SLC17A6: variants seen among roughly 807,000 people sequenced by gnomAD.
The protein encoded by SLC17A6 is vesicular glutamate transporter 2.
In SLC17A6, 35 loss-of-function variants were observed where a neutral mutation model predicts 67.1. That is an observed-to-expected ratio of 0.52 (90% CI 0.40 to 0.69). The LOEUF (loss-of-function observed/expected upper bound fraction) is 0.69, where lower values mean the gene tolerates loss of function less well. Among genes scored for constraint, SLC17A6 ranks in the 30% least tolerant of loss-of-function variants. SLC17A6 has a pLI of 0.00. For missense variants in SLC17A6, 588 were observed against 723.9 expected, an observed-to-expected ratio of 0.81 and a Z score of 2.15; for synonymous variants, 285 against 252.3, an observed-to-expected ratio of 1.13 and a Z score of -1.23.
rs914294458 is a variant in SLC17A6 at position 22,375,177 on chromosome 11, C to T, written c.1174+290C>T. Reference sequence around the variant, plus strand: ...CACGAGGTCAGGAGTTCAAGACCAGCCTGGCCAATATAGTGAAACCCCATC... The same window carrying T: ...CACGAGGTCAGGAGTTCAAGACCAGTCTGGCCAATATAGTGAAACCCCATC... On this transcript the variant is annotated intron_variant, in intron 9 of 11. Transcript: ENST00000263160. Among the ~76,000 whole-genome samples the T allele has an allele frequency of 1.8e-4, 28 of 151,868 alleles. No homozygotes were observed. The East Asian group carries it at 5.3e-3, about 29-fold the overall frequency.
At chr11:22,375,476 CTTTG>C (rs2133879241) in intron 9 of SLC17A6, among the ~76,000 whole-genome samples, 1 of 151,878 alleles carries the variant, frequency 6.6e-6, no homozygotes, top group South Asian at 2.1e-4. Context: ...GGATGTTTTT[CTTTG>C]TTTGTTTTTG....
chr11:22,340,606 C>A (rs538542749), intron 1 of SLC17A6, among the ~76,000 whole-genome samples: 2 of 152,068 alleles, frequency 1.3e-5, no homozygotes, highest in Non-Finnish European at 2.9e-5. Context: ...TCGCATTTTG[C>A]GTCTTGGGAA....
At chr11:22,368,749 G>T (rs2593686) in intron 7 of SLC17A6, among the ~76,000 whole-genome samples, 37,801 of 151,740 alleles carry the variant, frequency 0.25, 5,251 homozygotes, top group African/African-American at 0.37. Context: ...ATAAGTGTAC[G>T]CATCTGGAAT....
At chr11:22,338,863 CTT>C (rs1255687307) in intron 1 of SLC17A6, among the ~76,000 whole-genome samples, 1 of 138,310 alleles carries the variant, frequency 7.2e-6, no homozygotes, top group Non-Finnish European at 1.5e-5. Context: ...TTGATTTTTG[CTT>C]TGGTGCCTGC....
chr11:22,343,901 G>A lies in SLC17A6; in HGVS notation c.458+536G>A, dbSNP rs996103622. Reference sequence around the variant, plus strand: ...GCGATGCGATTTCACCTGTTAATGAGCTGCGTAGGGGCGGGCGTTGGGGGA... The same window carrying A: ...GCGATGCGATTTCACCTGTTAATGAACTGCGTAGGGGCGGGCGTTGGGGGA... On this transcript the variant is annotated intron_variant, in intron 3 of 11. Coordinates refer to ENST00000263160, the MANE Select transcript of SLC17A6 (RefSeq NM_020346.3). 5.9e-5 allele frequency among the ~76,000 whole-genome samples: 9 copies of A among 152,114 alleles called. No homozygotes were observed. The East Asian group carries it at 7.7e-4, about 13-fold the overall frequency.
In SLC17A6 at chr11:22,341,666, C is replaced by T. The variant is rs1855817774; in HGVS notation, c.225C>T (p.Ile75=). Residue 75 remains isoleucine, a synonymous_variant, in exon 2 of 12, where the codon ATC becomes ATT. Transcript: ENST00000263160. ...TGCCCCGCCGCTACATTATCGCCAT[C>T]ATGAGCGGCCTGGGCTTCTGCATCT... ...FGLPRRYIIA[I]MSGLGFCISF... 2 of 1,614,250 alleles carry T rather than the reference C, an allele frequency of 1.2e-6. No homozygotes were observed. The highest frequency in any genetic ancestry group is 1.7e-6 in the Non-Finnish European group (2 of 1,180,042).
chr11:22,339,025 TA>T (rs1248395103), intron 1 of SLC17A6, among the ~76,000 whole-genome samples: 1 of 138,258 alleles, frequency 7.2e-6, no homozygotes, highest in Non-Finnish European at 1.6e-5. Context: ...CACAACCATC[TA>T]AAAAAATAAC....
chr11:22,364,731 T>C (rs1435981144), intron 6 of SLC17A6, among the ~76,000 whole-genome samples: 4 of 152,100 alleles, frequency 2.6e-5, no homozygotes, highest in African/African-American at 9.7e-5. Flanking sequence ...AAAAATGAAA[T>C]GGCCAACTGC....
At position 22,343,324 on chromosome 11, in the gene SLC17A6, G is replaced by C; in HGVS notation, c.417G>C (p.Gln139His). 2 of 1,612,682 alleles carry C rather than the reference G, an allele frequency of 1.2e-6. No individual in the cohort carries two copies. The highest frequency in any genetic ancestry group is 8.5e-7 in the Non-Finnish European group (1 of 1,179,668). Residue 139 changes from glutamine to histidine, a missense_variant, in exon 3 of 12, where the codon CAG becomes CAC. By Grantham distance (24) the Gln-to-His change is conservative. This residue lies in a region of SLC17A6 where 414 missense variants were observed against 563.4 expected (regional missense o/e 0.73). Transcript: ENST00000263160. ...GSFFWGYIIT[Q>H]IPGGYIASRL... ...TCTTTTGGGGCTACATCATCACTCA[G>C]ATTCCGGGAGGCTACATCGCGTCTC... is the stretch of plus-strand genomic sequence containing the variant.
chr11:22,375,594 C>T (rs1012833860), intron 9 of SLC17A6, among the ~76,000 whole-genome samples: 2 of 151,762 alleles, frequency 1.3e-5, no homozygotes, highest in African/African-American at 2.4e-5. Flanking sequence ...GATTCTCTTG[C>T]CTCAGCCTCC....
At chr11:22,377,379 C>T in intron 11 of SLC17A6, 26 bp from the exon 12 acceptor site, 1 of 1,570,220 alleles carries the variant, frequency 6.4e-7, no homozygotes, top group Non-Finnish European at 8.7e-7. Flanking sequence ...AGTCAGTTCT[C>T]ACAGTGCTGC....
At chr11:22,370,331 G>A in intron 8 of SLC17A6, 143 bp downstream of exon 8, 1 of 692,644 alleles carries the variant, frequency 1.4e-6, no homozygotes. Context: ...GGAAATAGAA[G>A]CAAAGTAAAA....
In SLC17A6 at chr11:22,379,424, T is replaced by C. The variant is rs1396452146; in HGVS notation, c.*1684T>C. ...AATGTGATCACAGCTTTTGTTGTGT[T>C]GAATGAAAATATGTGGACTGTCATT... On this transcript the variant is annotated 3_prime_UTR_variant, in exon 12 of 12. Coordinates refer to ENST00000263160, the MANE Select transcript of SLC17A6 (RefSeq NM_020346.3). 3 of 152,614 alleles carry C rather than the reference T, an allele frequency of 2.0e-5. No homozygotes were observed. The highest frequency in any genetic ancestry group is 2.0e-4 in the Admixed American group (3 of 15,268). 9.5% of individuals were successfully genotyped at this position (152,614 alleles called of 1,614,324 possible).
At position 22,370,045 on chromosome 11, in the gene SLC17A6, A is replaced by G. The variant is rs201080827; in HGVS notation, c.898A>G (p.Lys300Glu). ...ANLLGAMEKFKTPWRKFFTSM... is the reference protein window; with the variant it reads ...ANLLGAMEKFETPWRKFFTSM... ...TCTCTTTTTGGAATTTCAGAAATTC[A>G]AGACTCCATGGAGGAAGTTTTTTAC... The change falls in exon 8 of 12, where the codon AAG becomes GAG. Residue 300 changes from lysine (K) to glutamate (E), a missense_variant. Around this residue, in one of 4 missense-constraint regions of SLC17A6, gnomAD observed 414 missense variants for 563.4 expected, o/e 0.73. Coordinates refer to ENST00000263160, the MANE Select transcript of SLC17A6 (RefSeq NM_020346.3). 32 of 1,605,118 alleles carry G rather than the reference A, an allele frequency of 2.0e-5. No homozygotes were observed. In the African/African-American group the frequency reaches 3.2e-4, roughly 16 times the overall value.
intron 8 of SLC17A6, among the ~76,000 whole-genome samples, chr11:22,371,286 C>G (rs2133876499): frequency 6.6e-6 from 1 of 152,168 alleles, no homozygotes; most frequent in Non-Finnish European, 1.5e-5. Context: ...ATAAGTCCAG[C>G]TGGGCTCGCT....
At chr11:22,366,392 G>A (rs1371821499) in intron 7 of SLC17A6, among the ~76,000 whole-genome samples, 1 of 152,036 alleles carries the variant, frequency 6.6e-6, no homozygotes, top group African/African-American at 2.4e-5. Flanking sequence ...GTGTATTTAT[G>A]TCATATGTAG....
chr11:22,369,751 G>T (rs545957231), intron 7 of SLC17A6, among the ~76,000 whole-genome samples: 55 of 151,844 alleles, frequency 3.6e-4, no homozygotes, highest in African/African-American at 1.2e-3. Flanking sequence ...AAGAAACTAG[G>T]ACCTATGCTT....
At chr11:22,371,847 C>A (rs1300694286) in intron 8 of SLC17A6, among the ~76,000 whole-genome samples, 1 of 150,956 alleles carries the variant, frequency 6.6e-6, no homozygotes, top group Non-Finnish European at 1.5e-5. Context: ...TTAAAAAATT[C>A]TGACTTAGCT....
At chr11:22,377,295 T>A in intron 11 of SLC17A6, 110 bp from the exon 12 acceptor site, 1 of 928,534 alleles carries the variant, frequency 1.1e-6, no homozygotes, top group Non-Finnish European at 1.6e-6. Context: ...TATGGATTTT[T>A]CCCAAATATA....
Sources: allele counts gnomAD v4.1 joint callset (sites outside exome capture counted in the v4.1 genomes callset), GRCh38; gene constraint gnomAD v4.1.1; regional missense constraint gnomAD v4.1.1; transcripts MANE v1.5; gene names NCBI Gene and HGNC (gene_info 2026-07-23, HGNC 2026-07-21).